Variants in CLHC1 observed in about 807,000 individuals in gnomAD.
CLHC1 encodes the protein clathrin heavy chain linker domain containing 1.
Under a neutral mutation model 69.5 loss-of-function variants are expected in CLHC1, and 72 were observed. The observed-to-expected ratio is 1.04, with a 90% CI of 0.86 to 1.26. CLHC1 has a LOEUF of 1.26. Ranked by LOEUF, CLHC1 falls within the 50% of genes most tolerant of loss-of-function variation. The pLI, the probability that CLHC1 is intolerant of heterozygous loss-of-function variation, is 0.00. For synonymous variants in CLHC1, 223 were observed against 224.3 expected, an observed-to-expected ratio of 0.99 and a Z score of 0.05; for missense variants, 790 against 679.3, an observed-to-expected ratio of 1.16 and a Z score of -1.81.
Position 55,216,897 on chromosome 2 carries a change from C to T in CLHC1, c.365+914G>A, listed in dbSNP as rs540335686. On this transcript the variant is annotated intron_variant, in intron 4 of 12. Coordinates refer to ENST00000401408, the MANE Select transcript of CLHC1 (RefSeq NM_152385.4). Reference sequence around the variant, plus strand: ...GAGTGGTGGCTCATGCCTGTAATCCCAGCGCTTTGGGAGGCTGGGGCATGC... The same window carrying T: ...GAGTGGTGGCTCATGCCTGTAATCCTAGCGCTTTGGGAGGCTGGGGCATGC... Among the ~76,000 whole-genome samples the T allele has an allele frequency of 4.6e-5, 7 of 152,232 alleles. No individual in the cohort carries two copies. In the South Asian group the frequency reaches 1.2e-3, roughly 27 times the overall value.
intron 9 of CLHC1, among the ~76,000 whole-genome samples, chr2:55,195,198 A>G (rs1420151520): frequency 6.6e-6 from 1 of 151,926 alleles, no homozygotes; most frequent in African/African-American, 2.4e-5. Context: ...TCCCCCACCT[A>G]CCCTGTCCTT....
At chr2:55,211,287 G>A (rs1365222597) in intron 5 of CLHC1, among the ~76,000 whole-genome samples, 1 of 151,956 alleles carries the variant, frequency 6.6e-6, no homozygotes, top group South Asian at 2.1e-4. Context: ...AGATCACAAG[G>A]TCAGGAGATC....
chr2:55,202,945 G>C (rs1244539934), intron 9 of CLHC1, among the ~76,000 whole-genome samples: 1 of 149,866 alleles, frequency 6.7e-6, no homozygotes, highest in African/African-American at 2.4e-5. Context: ...CAGTGAAGTT[G>C]AAAGATACAA....
In CLHC1 at chr2:55,192,986, G is replaced by A. The variant is rs192690469; in HGVS notation, c.1007-11242C>T. 3.7e-3 allele frequency among the ~76,000 whole-genome samples: 556 copies of A among 151,410 alleles called. 3 individuals carry two copies. The highest frequency in any genetic ancestry group is 0.031 in the Middle Eastern group (9 of 294). On this transcript the variant is annotated intron_variant, in intron 9 of 12. Transcript: ENST00000401408. The stretch of plus-strand genomic sequence containing the variant: ...GCTCACTGCAACCTCCGCCTCCTGG[G>A]TTCAAGCGATTCTCCTGCCTCAGCC...
Position 55,205,894 on chromosome 2 carries a change from CA to C in CLHC1, c.1006+375del, listed in dbSNP as rs5831343. 7.4e-3 allele frequency among the ~76,000 whole-genome samples: 1,052 copies of C among 143,044 alleles called. 7 individuals carry two copies. Among genetic ancestry groups the C allele is most frequent in the Middle Eastern group, 0.025 (7 of 282 alleles). 93.8% of individuals were successfully genotyped at this position (143,044 alleles called of 152,430 possible). The stretch of plus-strand genomic sequence containing the variant: ...GGACAACAAGAATGAAACTCTGTCT[CA>C]AAAAAAAAAAAACTTACCAAATTGT... On this transcript the variant is annotated intron_variant, in intron 9 of 12. Transcript: ENST00000401408.
rs1441788294 is a variant in CLHC1, at chr2:55,174,868, C to G, written c.*922G>C. ...GCTCAAGCGATCCTCCTGCCTCGACCTCCCAAAGTGCTGGGATTACAGACA... is the reference window on the plus strand; with the variant it reads ...GCTCAAGCGATCCTCCTGCCTCGACGTCCCAAAGTGCTGGGATTACAGACA... On this transcript the variant is annotated 3_prime_UTR_variant, in exon 13 of 13. Transcript: ENST00000401408. 1.3e-5 allele frequency: 2 copies of G among 152,074 alleles called. No individual in the cohort carries two copies. Among genetic ancestry groups the G allele is most frequent in the Non-Finnish European group, 2.9e-5 (2 of 68,042 alleles). The allele number at this position is 152,074 out of a possible 1,614,324, so 9.4% of individuals were successfully genotyped here. A position where few individuals can be genotyped will look rare whatever the true frequency, so the allele number is the denominator to read the frequency against.
chr2:55,204,355 G>T (rs904973179), intron 9 of CLHC1, among the ~76,000 whole-genome samples: 1 of 152,212 alleles, frequency 6.6e-6, no homozygotes, highest in Non-Finnish European at 1.5e-5. Flanking sequence ...CCAGGCATAT[G>T]AAAATGTGCT....
intron 5 of CLHC1, among the ~76,000 whole-genome samples, chr2:55,210,478 G>A (rs1672885071): frequency 6.6e-6 from 1 of 152,138 alleles, no homozygotes; most frequent in East Asian, 1.9e-4. Context: ...TTACAGGTGT[G>A]AGCCACCACA....
rs1268903753 is a variant in CLHC1, at chr2:55,212,690, G to C, written c.482C>G (p.Pro161Arg). Residue 161 changes from proline (P) to arginine (R), a missense_variant, in exon 5 of 13, where the codon CCT becomes CGT. Coordinates refer to ENST00000401408, the MANE Select transcript of CLHC1 (RefSeq NM_152385.4). ...TACAATACCTGGAATAGGTTTTGAA[G>C]GATCTTTGGAGAAAGTACAATATTT... ...EVKYCTFSKD[P>R]SKPIPGMTLQ... 6.3e-7 allele frequency: 1 copy of C among 1,598,620 alleles called. No homozygotes were observed. Among genetic ancestry groups the C allele is most frequent in the Admixed American group, 1.7e-5 (1 of 59,806 alleles).
chr2:55,232,490 A>G (rs1193151871), upstream of CLHC1: 1 of 422,952 alleles, frequency 2.4e-6, no homozygotes, highest in Non-Finnish European at 4.4e-6. Flanking sequence ...GCTTAAACCT[A>G]CAGTTTCGAA....
At chr2:55,210,992 C>A (rs1416055162) in intron 5 of CLHC1, among the ~76,000 whole-genome samples, 2 of 152,020 alleles carry the variant, frequency 1.3e-5, no homozygotes, top group Non-Finnish European at 2.9e-5. Context: ...CTGTGCCCAG[C>A]CCTAAATAAT....
chr2:55,178,444 A>G (rs549034052), intron 11 of CLHC1, among the ~76,000 whole-genome samples: 1 of 152,248 alleles, frequency 6.6e-6, no homozygotes, highest in South Asian at 2.1e-4. Context: ...CCCAATAGTT[A>G]ACCATTGAGG....
rs757198082 is a variant in CLHC1 at position 55,222,303 on chromosome 2, T to C, written c.109A>G (p.Arg37Gly). The change falls in exon 3 of 13, where the codon AGA (arginine) becomes GGA (glycine). Residue 37 changes from arginine (R) to glycine (G), a missense_variant. Coordinates refer to ENST00000401408, the MANE Select transcript of CLHC1 (RefSeq NM_152385.4). Reference sequence around the variant, plus strand: ...GGTCCTTCCTCACTACAGCCCAGTCTTTCAGTTTCTGTAATTATGTATCTT... The same window carrying C: ...GGTCCTTCCTCACTACAGCCCAGTCCTTCAGTTTCTGTAATTATGTATCTT... ...VQRYIITETE[R>G]LGCSEEGPAD... is the part of the protein sequence containing the mutation. 3 of 1,613,686 alleles carry C rather than the reference T, an allele frequency of 1.9e-6. No individual in the cohort carries two copies. The highest frequency in any genetic ancestry group is 2.7e-5 in the African/African-American group (2 of 74,924).
intron 2 of CLHC1, among the ~76,000 whole-genome samples, chr2:55,226,618 T>C (rs1021347301): frequency 6.6e-6 from 1 of 152,152 alleles, no homozygotes; most frequent in African/African-American, 2.4e-5. Flanking sequence ...TATTCCCCCA[T>C]TGTCAGATAT....
At chr2:55,226,689 T>C (rs980043104) in intron 2 of CLHC1, among the ~76,000 whole-genome samples, 6 of 152,242 alleles carry the variant, frequency 3.9e-5, no homozygotes, top group Admixed American at 2.6e-4. Flanking sequence ...TGGAGTGCAG[T>C]GGCACGATCT....
At chr2:55,180,224 T>C (rs1340107483) in intron 11 of CLHC1, among the ~76,000 whole-genome samples, 2 of 152,120 alleles carry the variant, frequency 1.3e-5, no homozygotes, top group East Asian at 3.8e-4. Context: ...TATGTTCTAG[T>C]ATATCTGCTA....
At chr2:55,196,176 G>C (rs1671397225) in intron 9 of CLHC1, among the ~76,000 whole-genome samples, 1 of 152,200 alleles carries the variant, frequency 6.6e-6, no homozygotes, top group Non-Finnish European at 1.5e-5. Context: ...TATCCCAGCA[G>C]GTTGGAATTT....
intron 5 of CLHC1, among the ~76,000 whole-genome samples, chr2:55,211,345 C>G (rs547365281): frequency 6.6e-6 from 1 of 151,614 alleles, no homozygotes; most frequent in African/African-American, 2.4e-5. Context: ...CCTAAAAATA[C>G]AAAAAAATTA....
chr2:55,200,307 T>A (rs1377826931), intron 9 of CLHC1, among the ~76,000 whole-genome samples: 2 of 141,710 alleles, frequency 1.4e-5, no homozygotes, highest in Non-Finnish European at 3.0e-5. Context: ...AAACACTTCA[T>A]CTTTAAAGAC....
Sources: gnomAD v4.1 joint callset for allele counts (sites outside exome capture counted in the v4.1 genomes callset) on GRCh38, gnomAD v4.1.1 for gene constraint, MANE v1.5 for transcripts, NCBI Gene and HGNC (gene_info 2026-07-23, HGNC 2026-07-21) for gene names.